The following ARHGAP32 variants were observed in gnomAD, a reference collection of about 807,000 sequenced individuals.
ARHGAP32 encodes the protein rho GTPase-activating protein 32.
A neutral mutation model predicts 186.5 loss-of-function variants in ARHGAP32; 51 were observed. The ratio of observed to expected loss-of-function variants is 0.27; its 90% confidence interval spans 0.22 to 0.35. The LOEUF is 0.35. Among genes scored for constraint, ARHGAP32 ranks in the 10% least tolerant of loss-of-function variants. The probability of loss-of-function intolerance (pLI) is 1.00; values close to 1 mark genes in which losing one functional copy is unlikely to be tolerated. For missense variants in ARHGAP32, 2,186 were observed against 2,623.5 expected (o/e 0.83, Z 3.64); for synonymous variants, 950 against 964.3 (o/e 0.99, Z 0.27).
intron 12 of ARHGAP32, among the ~76,000 whole-genome samples, chr11:128,994,700 C>T (rs1030116899): frequency 1.3e-5 from 2 of 152,150 alleles, no homozygotes; most frequent in Admixed American, 1.3e-4. Context: ...AATCACTCAG[C>T]TATTAAAAAA....
intron 2 of ARHGAP32, among the ~76,000 whole-genome samples, chr11:129,152,330 T>C (rs1488163308): frequency 1.3e-5 from 2 of 152,206 alleles, no homozygotes; most frequent in Non-Finnish European, 2.9e-5. Context: ...GTACCAATCT[T>C]AGTGAAACTA....
rs147977712 is a variant in ARHGAP32, at chr11:129,090,375, G to A, written c.531+3246C>T. Among the ~76,000 whole-genome samples, 177 of 152,198 alleles carry A rather than the reference G, an allele frequency of 1.2e-3. 3 individuals carry two copies. The highest frequency in any genetic ancestry group is 4.0e-3 in the African/African-American group (166 of 41,546). Reference sequence around the variant, plus strand: ...TTAACCCACCTACCATGACACAAGAGCATTCAGATTACTGTATATATTTAT... The same window carrying A: ...TTAACCCACCTACCATGACACAAGAACATTCAGATTACTGTATATATTTAT... On this transcript the variant is annotated intron_variant, in intron 6 of 22. Transcript: ENST00000682385.
intron 1 of ARHGAP32, among the ~76,000 whole-genome samples, chr11:129,182,543 A>G (rs1304968190): frequency 6.6e-6 from 1 of 151,634 alleles, no homozygotes; most frequent in Non-Finnish European, 1.5e-5. Flanking sequence ...TCATTTCTCA[A>G]CCCTTTCCTT....
intron 2 of ARHGAP32, among the ~76,000 whole-genome samples, chr11:129,129,688 A>T (rs934841314): frequency 3.9e-5 from 6 of 152,184 alleles, no homozygotes; most frequent in African/African-American, 9.6e-5. Flanking sequence ...ATATATATAT[A>T]TTTTACCCTT....
chr11:129,240,570 T>C (rs1457953701), intron 1 of ARHGAP32, among the ~76,000 whole-genome samples: 2 of 152,194 alleles, frequency 1.3e-5, no homozygotes, highest in Non-Finnish European at 1.5e-5. Flanking sequence ...TACTTTTAGT[T>C]GAATTACTCT....
At chr11:129,100,475 C>A (rs1302314018) in intron 5 of ARHGAP32, among the ~76,000 whole-genome samples, 2 of 152,148 alleles carry the variant, frequency 1.3e-5, no homozygotes, top group Non-Finnish European at 2.9e-5. Flanking sequence ...AGACTCCCTC[C>A]CCATATGTCA....
chr11:129,020,823 C>T (rs986782664), intron 11 of ARHGAP32, among the ~76,000 whole-genome samples: 3 of 151,922 alleles, frequency 2.0e-5, no homozygotes, highest in Admixed American at 2.0e-4. Flanking sequence ...TTTTAATGTA[C>T]TACAAAGCTA....
rs1175191118 is a variant in ARHGAP32, at chr11:128,967,618, A to G, written c.*1289T>C. 1 of 152,216 alleles carries G rather than the reference A, an allele frequency of 6.6e-6. No homozygotes were observed. Among genetic ancestry groups the G allele is most frequent in the Non-Finnish European group, 1.5e-5 (1 of 68,046 alleles). 9.4% of individuals were successfully genotyped at this position (152,216 alleles called of 1,614,324 possible). A position where few individuals can be genotyped will look rare whatever the true frequency, so the allele number is the denominator to read the frequency against. On this transcript the variant is annotated 3_prime_UTR_variant, in exon 23 of 23. Transcript: ENST00000682385. ...TGTTAAACATGTTTTACATGTCTCC[A>G]GAGTTATAAAGAGCTATACCTGAAA...
At chr11:129,064,096 G>C in intron 8 of ARHGAP32, 72 bp from the exon 9 acceptor site, 2 of 1,294,556 alleles carry the variant, frequency 1.5e-6, no homozygotes. Flanking sequence ...ATCTATAAAA[G>C]AAATTCATTT....
intron 1 of ARHGAP32, among the ~76,000 whole-genome samples, chr11:129,248,303 T>C (rs548847939): frequency 2.5e-4 from 38 of 152,168 alleles, no homozygotes; most frequent in African/African-American, 8.7e-4. Context: ...AGAAGTTCTA[T>C]AAGCTTAACA....
chr11:129,270,198 A>C (rs1945457086), intron 1 of ARHGAP32, among the ~76,000 whole-genome samples: 1 of 152,214 alleles, frequency 6.6e-6, no homozygotes, highest in Non-Finnish European at 1.5e-5. Flanking sequence ...AAAGAAATGA[A>C]CAATCAAGCC....
chr11:129,261,894 T>A (rs1417650726), intron 1 of ARHGAP32, among the ~76,000 whole-genome samples: 1 of 152,212 alleles, frequency 6.6e-6, no homozygotes, highest in Non-Finnish European at 1.5e-5. Flanking sequence ...AATCCCTTTG[T>A]TGCTGTAACA....
intron 11 of ARHGAP32, among the ~76,000 whole-genome samples, chr11:129,010,644 A>G (rs942013753): frequency 1.1e-4 from 17 of 152,092 alleles, no homozygotes; most frequent in Non-Finnish European, 1.5e-5. Context: ...CTGGGAAAAC[A>G]ATTTCTTAAT....
chr11:129,171,026 T>C (rs1197185229), intron 1 of ARHGAP32, among the ~76,000 whole-genome samples: 2 of 152,220 alleles, frequency 1.3e-5, no homozygotes, highest in African/African-American at 4.8e-5. Flanking sequence ...TTTATCTTTA[T>C]CTTGTAAATA....
rs1002032583 is a variant in ARHGAP32 at position 128,980,450 on chromosome 11, C to T, written c.1976+103G>A. On this transcript the variant is annotated intron_variant, in intron 18 of 22. Transcript: ENST00000682385. ...GTTTCTCTGGGACTAGCCTAGAATT[C>T]AATAGAGTAATACTAAAATACAAAA... The T allele has an allele frequency of 5.6e-6, 5 of 893,828 alleles. No individual in the cohort carries two copies. The African/African-American group carries it at 8.6e-5, about 15-fold the overall frequency. 55.4% of individuals were successfully genotyped at this position (893,828 alleles called of 1,614,324 possible). A position where few individuals can be genotyped will look rare whatever the true frequency, so the allele number is the denominator to read the frequency against.
Position 129,248,906 on chromosome 11 carries a change from T to C in ARHGAP32, c.-5+30240A>G, listed in dbSNP as rs545101857. ...CAGGTACTGTGCAAAACATAGTATATAGTGAATAAAGCAGGCATGGTCTCT... is the reference window on the plus strand; with the variant it reads ...CAGGTACTGTGCAAAACATAGTATACAGTGAATAAAGCAGGCATGGTCTCT... On this transcript the variant is annotated intron_variant, in intron 1 of 6. Transcript: ENST00000525234. Among the ~76,000 whole-genome samples, 8 of 152,292 alleles carry C rather than the reference T, an allele frequency of 5.3e-5. No homozygotes were observed. In the South Asian group the frequency reaches 1.7e-3, roughly 32 times the overall value.
chr11:129,029,066 A>G (rs996634265), intron 11 of ARHGAP32, among the ~76,000 whole-genome samples: 1 of 152,232 alleles, frequency 6.6e-6, no homozygotes, highest in Non-Finnish European at 1.5e-5. Context: ...TTTTTAAATT[A>G]AAGTGGCATT....
chr11:128,969,298 G>T lies in ARHGAP32; in HGVS notation c.5915C>A (p.Ala1972Asp). The change falls in exon 23 of 23, where the codon GCC (alanine) becomes GAC (aspartate). Residue 1972 changes from alanine (A) to aspartate (D), a missense_variant. By Grantham distance (126) the Ala-to-Asp change is moderately radical. This residue lies in a region of ARHGAP32 where 1,502 missense variants were observed against 1,570.0 expected (regional missense o/e 0.96). Transcript: ENST00000682385. The surrounding 1 kb of genome is among the most constrained non-coding windows in gnomAD (Gnocchi z 4.8). ...GCAGTCTCTGGAGTGTTTCTCTGGGGCAGAAGGCTGCCTAACCCAGGGTCG... is the reference window on the plus strand; with the variant it reads ...GCAGTCTCTGGAGTGTTTCTCTGGGTCAGAAGGCTGCCTAACCCAGGGTCG... ...MERPWVRQPS[A>D]PEKHSRDCYK... 6.2e-7 allele frequency: 1 copy of T among 1,614,208 alleles called. No individual in the cohort carries two copies. Among genetic ancestry groups the T allele is most frequent in the Non-Finnish European group, 8.5e-7 (1 of 1,180,048 alleles).
chr11:129,063,676 G>C (rs1185581382), intron 9 of ARHGAP32, among the ~76,000 whole-genome samples: 1 of 152,052 alleles, frequency 6.6e-6, no homozygotes, highest in African/African-American at 2.4e-5. Context: ...GGGAGATCAA[G>C]AATGACTTCC....
Sources: allele counts gnomAD v4.1 joint callset (sites outside exome capture counted in the v4.1 genomes callset), GRCh38; gene constraint gnomAD v4.1.1; regional missense constraint gnomAD v4.1.1; non-coding constraint Gnocchi (gnomAD v3.1); transcripts MANE v1.5; gene names NCBI Gene and HGNC (gene_info 2026-07-23, HGNC 2026-07-21).